SCLT1: variants seen among roughly 807,000 people sequenced by gnomAD.
SCLT1 encodes sodium channel-associated protein 1.
SCLT1 carries 78 observed loss-of-function variants against 112.8 expected under a neutral mutation model. The ratio of observed to expected loss-of-function variants is 0.69; its 90% confidence interval spans 0.58 to 0.83. The LOEUF is 0.83. Among genes scored for constraint, SCLT1 ranks in the 40% least tolerant of loss-of-function variants. SCLT1 has a pLI of 0.00. For missense variants in SCLT1, 747 were observed against 770.4 expected (o/e 0.97, Z 0.36); for synonymous variants, 257 against 254.7 (o/e 1.01, Z -0.09).
chr4:129,026,502 C>A (rs190179496), intron 5 of SCLT1, among the ~76,000 whole-genome samples: 2 of 151,836 alleles, frequency 1.3e-5, no homozygotes, highest in African/African-American at 4.8e-5. Context: ...TTGAAACCAA[C>A]GAGAACAAAG....
rs561485049 is a variant in SCLT1 at position 128,940,908 on chromosome 4, A to G, written c.1632+2088T>C. ...TTCTTATGACTGAATTTTAGACTCT[A>G]AAGTAAATACGTACCATTTAATACT... is the stretch of plus-strand genomic sequence containing the variant. On this transcript the variant is annotated intron_variant, in intron 17 of 20. Coordinates refer to ENST00000281142, the MANE Select transcript of SCLT1 (RefSeq NM_144643.4). Among the ~76,000 whole-genome samples, 5 of 152,222 alleles carry G rather than the reference A, an allele frequency of 3.3e-5. No individual in the cohort carries two copies. The South Asian group carries it at 8.3e-4, about 25-fold the overall frequency.
chr4:128,940,618 C>T (rs10014640), intron 17 of SCLT1, among the ~76,000 whole-genome samples: 116,014 of 151,774 alleles, frequency 0.76, 45,324 homozygotes, highest in African/African-American at 0.94. Context: ...GTCAAAAATA[C>T]ATATGTGTAC....
intron 2 of SCLT1, among the ~76,000 whole-genome samples, chr4:129,045,034 A>G (rs760842073): frequency 1.3e-5 from 2 of 152,026 alleles, no homozygotes; most frequent in Non-Finnish European, 2.9e-5. Flanking sequence ...TGGACACAAT[A>G]CTGCTATCCA....
At chr4:129,029,890 A>G (rs1253467877) in intron 5 of SCLT1, among the ~76,000 whole-genome samples, 3 of 151,990 alleles carry the variant, frequency 2.0e-5, no homozygotes, top group Non-Finnish European at 2.9e-5. Flanking sequence ...CCCACTGTCA[A>G]TATTAGATCA....
intron 1 of SCLT1, among the ~76,000 whole-genome samples, chr4:129,089,557 T>C (rs1312577691): frequency 6.6e-6 from 1 of 152,142 alleles, no homozygotes; most frequent in Non-Finnish European, 1.5e-5. Context: ...TAAAGACACA[T>C]GCACATGTAT....
intron 2 of SCLT1, among the ~76,000 whole-genome samples, chr4:129,071,408 C>G (rs1391769992): frequency 1.3e-5 from 2 of 152,136 alleles, no homozygotes; most frequent in Non-Finnish European, 2.9e-5. Context: ...GTGTTGCTGT[C>G]TATCTCACTT....
intron 18 of SCLT1, among the ~76,000 whole-genome samples, chr4:128,931,606 G>A (rs1375277069): frequency 6.6e-6 from 1 of 152,056 alleles, no homozygotes; most frequent in East Asian, 1.9e-4. Context: ...GGGACTATAG[G>A]CATCTGCCAC....
chr4:128,984,538 T>C (rs983173278), intron 9 of SCLT1, among the ~76,000 whole-genome samples: 3 of 152,194 alleles, frequency 2.0e-5, no homozygotes, highest in African/African-American at 7.2e-5. Context: ...TTTAGCTCAA[T>C]ATTACGAAGT....
intron 1 of SCLT1, among the ~76,000 whole-genome samples, chr4:129,086,043 A>C (rs1752366851): frequency 6.6e-6 from 1 of 152,180 alleles, no homozygotes; most frequent in Admixed American, 6.5e-5. Context: ...TAAAACAAAA[A>C]ATTAATCACA....
At chr4:129,049,626 TA>T (rs56961720) in intron 2 of SCLT1, among the ~76,000 whole-genome samples, 1,468 of 135,630 alleles carry the variant, frequency 0.011, 14 homozygotes, top group African/African-American at 0.026. Context: ...ACTTAAAGTA[TA>T]AAAAAAAAAA....
chr4:128,904,815 CA>C (rs1308092427), intron 18 of SCLT1, among the ~76,000 whole-genome samples: 4 of 152,100 alleles, frequency 2.6e-5, no homozygotes, highest in Non-Finnish European at 5.9e-5. Context: ...TGTATGGCTT[CA>C]AAAGACCTGA....
chr4:129,057,113 A>G (rs1339892142), intron 2 of SCLT1, among the ~76,000 whole-genome samples: 1 of 152,108 alleles, frequency 6.6e-6, no homozygotes, highest in African/African-American at 2.4e-5. Context: ...TTTGTTCTTC[A>G]TTCTTAGATG....
chr4:128,919,823 C>T (rs947556195), intron 18 of SCLT1, among the ~76,000 whole-genome samples: 3 of 151,738 alleles, frequency 2.0e-5, no homozygotes, highest in Non-Finnish European at 4.4e-5. Context: ...TTCTTAGAAA[C>T]ATACAACCTT....
chr4:129,045,404 T>G (rs60404916), intron 2 of SCLT1, among the ~76,000 whole-genome samples: 2,190 of 152,166 alleles, frequency 0.014, 48 homozygotes, highest in African/African-American at 0.044. Context: ...ACAGCATTCG[T>G]AACATGACCA....
intron 2 of SCLT1, among the ~76,000 whole-genome samples, chr4:129,054,579 T>C (rs1205235268): frequency 6.6e-6 from 1 of 151,998 alleles, no homozygotes; most frequent in Non-Finnish European, 1.5e-5. Flanking sequence ...AAAGTTCTTG[T>C]GTTGTGTTTT....
At chr4:128,989,729 A>T (rs1360803389) in intron 9 of SCLT1, among the ~76,000 whole-genome samples, 1 of 151,720 alleles carries the variant, frequency 6.6e-6, no homozygotes, top group East Asian at 1.9e-4. Context: ...CCAAAAAAAA[A>T]TACAGAAGAC....
intron 12 of SCLT1, among the ~76,000 whole-genome samples, chr4:128,959,013 AG>A (rs1739450721): frequency 6.6e-6 from 1 of 152,188 alleles, no homozygotes; most frequent in South Asian, 2.1e-4. Flanking sequence ...TACATAAGGG[AG>A]GCCGCAAAAT....
intron 5 of SCLT1, among the ~76,000 whole-genome samples, chr4:129,029,921 G>T (rs947981324): frequency 6.6e-6 from 1 of 151,938 alleles, no homozygotes; most frequent in Non-Finnish European, 1.5e-5. Context: ...AAATTAACAA[G>T]GATATTCAAG....
chr4:128,923,664 G>T (rs1425833135), intron 18 of SCLT1, among the ~76,000 whole-genome samples: 3 of 150,696 alleles, frequency 2.0e-5, no homozygotes, highest in South Asian at 2.1e-4. Context: ...TCCTTTTTGA[G>T]ATTCATCCAT....
Sources: allele counts gnomAD v4.1 joint callset (sites outside exome capture counted in the v4.1 genomes callset), GRCh38; gene constraint gnomAD v4.1.1; transcripts MANE v1.5; gene names NCBI Gene and HGNC (gene_info 2026-07-23, HGNC 2026-07-21).